Variants in ATP8A2 observed in about 807,000 individuals in gnomAD.
ATP8A2 encodes phospholipid-transporting ATPase IB.
ATP8A2 carries 100 observed loss-of-function variants against 165.6 expected under a neutral mutation model. The ratio of observed to expected loss-of-function variants is 0.60; its 90% CI spans 0.51 to 0.71. The LOEUF (loss-of-function observed/expected upper bound fraction) is 0.71. ATP8A2 is among the 30% of genes least tolerant of loss of function. The pLI is 0.00. For missense variants in ATP8A2, 1,227 were observed against 1,479.5 expected (o/e 0.83, Z 2.80); for synonymous variants, 543 against 548.8 (o/e 0.99, Z 0.15).
At chr13:25,754,446 T>C (rs2044218910) in intron 25 of ATP8A2, among the ~76,000 whole-genome samples, 1 of 152,102 alleles carries the variant, frequency 6.6e-6, no homozygotes, top group Non-Finnish European at 1.5e-5. Context: ...TTTACTGATA[T>C]GAGCTACAAA....
chr13:25,749,757 A>C (rs1164683263), intron 25 of ATP8A2, among the ~76,000 whole-genome samples: 1 of 152,218 alleles, frequency 6.6e-6, no homozygotes, highest in Non-Finnish European at 1.5e-5. Context: ...TAAAACTGGA[A>C]AGGAAGTTAA....
intron 27 of ATP8A2, among the ~76,000 whole-genome samples, chr13:25,823,152 G>A (rs967710328): frequency 1.3e-5 from 2 of 152,200 alleles, no homozygotes; most frequent in African/African-American, 4.8e-5. Context: ...GGGCCTGATT[G>A]TGTTGGGCTT....
intron 25 of ATP8A2, among the ~76,000 whole-genome samples, chr13:25,701,519 C>T (rs2042951054): frequency 6.6e-6 from 1 of 152,126 alleles, no homozygotes; most frequent in Admixed American, 6.5e-5. Flanking sequence ...ATCAAGGGGT[C>T]ATCCCCCTGA....
intron 24 of ATP8A2, among the ~76,000 whole-genome samples, chr13:25,655,224 A>G (rs1284642594): frequency 1.3e-5 from 2 of 152,182 alleles, no homozygotes; most frequent in Non-Finnish European, 2.9e-5. Context: ...CAGTGGCACA[A>G]TGTCAGCTCA....
intron 24 of ATP8A2, among the ~76,000 whole-genome samples, chr13:25,648,662 C>G (rs908125858): frequency 6.6e-6 from 1 of 152,096 alleles, no homozygotes; most frequent in Non-Finnish European, 1.5e-5. Context: ...TATTCCATCT[C>G]AAAACCAAAA....
Position 25,799,434 on chromosome 13 carries a change from C to T in ATP8A2, c.2679+24475C>T, listed in dbSNP as rs113312410. Among the ~76,000 whole-genome samples, 410 of 152,338 alleles carry T rather than the reference C, an allele frequency of 2.7e-3. 3 individuals carry two copies. The highest frequency in any genetic ancestry group is 9.0e-3 in the African/African-American group (376 of 41,592). ...AATCAAAACAGCCAATATGCCAGAACATCATATTTTTAACTCCTTTGGTGG... is the reference window on the plus strand; with the variant it reads ...AATCAAAACAGCCAATATGCCAGAATATCATATTTTTAACTCCTTTGGTGG... On this transcript the variant is annotated intron_variant, in intron 27 of 36. Coordinates refer to ENST00000381655, the MANE Select transcript of ATP8A2 (RefSeq NM_016529.6).
At chr13:25,596,600 T>C (rs555344974) in intron 24 of ATP8A2, among the ~76,000 whole-genome samples, 2 of 152,348 alleles carry the variant, frequency 1.3e-5, no homozygotes, top group South Asian at 2.1e-4. Context: ...GTATCATCTG[T>C]TCATTCCTTT....
intron 33 of ATP8A2, among the ~76,000 whole-genome samples, chr13:25,896,223 G>T (rs571996731): frequency 6.6e-6 from 1 of 152,212 alleles, no homozygotes; most frequent in South Asian, 2.1e-4. Flanking sequence ...AGAGATTCTG[G>T]TATGCTCTGT....
chr13:26,023,722 T>C lies in ATP8A2; in HGVS notation c.*3737T>C, dbSNP rs550364930. The C allele has an allele frequency of 5.9e-5, 9 of 152,348 alleles. No individual in the cohort carries two copies. The highest frequency in any genetic ancestry group is 2.2e-4 in the African/African-American group (9 of 41,592). The allele number at this position is 152,348 out of a possible 1,614,324, so 9.4% of individuals were successfully genotyped here. A position where few individuals can be genotyped will look rare whatever the true frequency, so the allele number is the denominator to read the frequency against. ...ATTGAATGTTTGCAAAACACTGCTA[T>C]AGGATAAGGTGGTCTTTAGTTTTGA... On this transcript the variant is annotated 3_prime_UTR_variant, in exon 37 of 37. Transcript: ENST00000381655.
chr13:25,827,265 C>T (rs1466177477), intron 27 of ATP8A2, among the ~76,000 whole-genome samples: 1 of 152,114 alleles, frequency 6.6e-6, no homozygotes, highest in East Asian at 1.9e-4. Context: ...GTGCGTGCCA[C>T]CACACCCCGC....
intron 6 of ATP8A2, 57 bp from the exon 7 acceptor site, chr13:25,537,926 TCACCA>T: frequency 8.4e-7 from 1 of 1,183,454 alleles, no homozygotes; most frequent in Non-Finnish European, 1.2e-6. Context: ...AGCACCTTTT[TCACCA>T]TGTGTGTTTT....
Position 25,774,860 on chromosome 13 carries a change from A to G in ATP8A2, c.2580A>G (p.Leu860=), listed in dbSNP as rs1204971760. 1 of 1,609,882 alleles carries G rather than the reference A, an allele frequency of 6.2e-7. No homozygotes were observed. ...TTTTCCTTTTTCAGTTTTCCTACTTAGAGAAGCTTCTGTTGGTTCATGGAG... is the reference window on the plus strand; with the variant it reads ...TTTTCCTTTTTCAGTTTTCCTACTTGGAGAAGCTTCTGTTGGTTCATGGAG... ...SDYAIAQFSY[L]EKLLLVHGAW... is the part of the protein sequence containing the mutation. Residue 860 remains leucine (L), a synonymous_variant, in exon 27 of 37, where the codon TTA becomes TTG. Transcript: ENST00000381655.
At chr13:25,940,858 G>A (rs757932445) in intron 33 of ATP8A2, among the ~76,000 whole-genome samples, 4 of 152,184 alleles carry the variant, frequency 2.6e-5, no homozygotes, top group Middle Eastern at 3.2e-3. Context: ...GTGACCCATC[G>A]TGCCTGAGTG....
intron 25 of ATP8A2, among the ~76,000 whole-genome samples, chr13:25,732,354 G>A (rs879889868): frequency 1.3e-5 from 2 of 152,180 alleles, no homozygotes; most frequent in East Asian, 3.8e-4. Flanking sequence ...ACAATCCCTG[G>A]AGCAAACCAT....
chr13:25,696,359 C>A (rs1239140418), intron 24 of ATP8A2, among the ~76,000 whole-genome samples: 2 of 152,204 alleles, frequency 1.3e-5, no homozygotes, highest in South Asian at 2.1e-4. Context: ...AAGAGTCAGC[C>A]TATCCTTTGA....
Position 25,559,780 on chromosome 13 carries a change from G to C in ATP8A2, c.1397+15G>C. ...GATGACTTCTGGTAAGTAGATTCTAGCACTTCTTGACACTTTAGTGGAAAA... is the reference window on the plus strand; with the variant it reads ...GATGACTTCTGGTAAGTAGATTCTACCACTTCTTGACACTTTAGTGGAAAA... On this transcript the variant is annotated intron_variant, in intron 15 of 36. Coordinates refer to ENST00000381655, the MANE Select transcript of ATP8A2 (RefSeq NM_016529.6). The C allele has an allele frequency of 6.3e-7, 1 of 1,595,058 alleles. No individual in the cohort carries two copies. Among genetic ancestry groups the C allele is most frequent in the Non-Finnish European group, 8.6e-7 (1 of 1,163,178 alleles).
At chr13:25,954,957 A>C (rs2093871) in intron 33 of ATP8A2, among the ~76,000 whole-genome samples, 61,676 of 151,984 alleles carry the variant, frequency 0.41, 13,081 homozygotes, top group Non-Finnish European at 0.46. Context: ...AAAGGATCAC[A>C]ATTCCTCACC....
At chr13:25,518,797 G>T (rs2037562937) in intron 2 of ATP8A2, among the ~76,000 whole-genome samples, 1 of 152,122 alleles carries the variant, frequency 6.6e-6, no homozygotes, top group Non-Finnish European at 1.5e-5. Context: ...TTTTCTAATG[G>T]ATTGTTTCTG....
rs1311073687 is a variant in ATP8A2, at chr13:25,750,274, C to T, written c.2385-18772C>T. On this transcript the variant is annotated intron_variant, in intron 25 of 36. Transcript: ENST00000381655. The surrounding 1 kb of genome is among the most constrained non-coding windows in gnomAD (Gnocchi z 4.3). ...AGCAGGCTGCATTTCTCAGAGTAGT[C>T]GCTAGAGTTTTCAGGAGACCAAATA... is the stretch of plus-strand genomic sequence containing the variant. Among the ~76,000 whole-genome samples, 1 of 152,136 alleles carries T rather than the reference C, an allele frequency of 6.6e-6. No homozygotes were observed. Among genetic ancestry groups the T allele is most frequent in the African/African-American group, 2.4e-5 (1 of 41,422 alleles).
Sources: gnomAD v4.1 joint callset for allele counts (sites outside exome capture counted in the v4.1 genomes callset) on GRCh38, gnomAD v4.1.1 for gene constraint, Gnocchi (gnomAD v3.1) non-coding constraint, MANE v1.5 for transcripts, NCBI Gene and HGNC (gene_info 2026-07-23, HGNC 2026-07-21) for gene names.